Variants in PPP1R21 observed in about 807,000 individuals in gnomAD.
PPP1R21 encodes the protein protein phosphatase 1 regulatory subunit 21, also known as KLRAQ motif containing 1.
In PPP1R21, 85 loss-of-function variants were observed where a neutral mutation model predicts 112.8. The observed-to-expected ratio is 0.75, with a 90% CI of 0.63 to 0.90. PPP1R21 has a LOEUF of 0.90. Among genes scored for constraint, PPP1R21 ranks in the 40% least tolerant of loss-of-function variants. The pLI, the probability that PPP1R21 is intolerant of heterozygous loss-of-function variation, is 0.00. For missense variants in PPP1R21, 1,199 were observed against 901.5 expected, an observed-to-expected ratio of 1.33 and a Z score of -4.23; for synonymous variants, 381 against 322.3, an observed-to-expected ratio of 1.18 and a Z score of -1.95.
chr2:48,495,355 C>T (rs1000493774), intron 15 of PPP1R21, among the ~76,000 whole-genome samples: 2 of 152,260 alleles, frequency 1.3e-5, no homozygotes, highest in Admixed American at 6.5e-5. Context: ...AGGCGCGTGC[C>T]ACCATACCCG....
chr2:48,492,390 T>A (rs1262660050), intron 15 of PPP1R21, among the ~76,000 whole-genome samples: 2 of 152,218 alleles, frequency 1.3e-5, no homozygotes, highest in Non-Finnish European at 2.9e-5. Context: ...ATTTTGCAAT[T>A]TGCTTTTTTT....
At chr2:48,491,408 G>C (rs1423174790) in intron 15 of PPP1R21, among the ~76,000 whole-genome samples, 2 of 152,118 alleles carry the variant, frequency 1.3e-5, no homozygotes, top group Non-Finnish European at 2.9e-5. Context: ...CCAAGTGCCT[G>C]ATAGAGCGCC....
At chr2:48,466,449 A>G (rs1668208443) in intron 9 of PPP1R21, among the ~76,000 whole-genome samples, 1 of 151,118 alleles carries the variant, frequency 6.6e-6, no homozygotes, top group African/African-American at 2.4e-5. Context: ...CTGGTCTTGA[A>G]CTCCTGACCT....
intron 17 of PPP1R21, among the ~76,000 whole-genome samples, chr2:48,500,490 A>G (rs985109014): frequency 2.0e-5 from 3 of 152,298 alleles, no homozygotes; most frequent in African/African-American, 7.2e-5. Flanking sequence ...TATGGGGGGA[A>G]AAAACCCAAG....
intron 9 of PPP1R21, among the ~76,000 whole-genome samples, chr2:48,467,873 A>G (rs1172689786): frequency 6.6e-6 from 1 of 152,204 alleles, no homozygotes; most frequent in Non-Finnish European, 1.5e-5. Context: ...AAATTGCTAT[A>G]CATGTGTGCT....
At chr2:48,476,871 A>G (rs1668781574) in intron 12 of PPP1R21, among the ~76,000 whole-genome samples, 1 of 151,930 alleles carries the variant, frequency 6.6e-6, no homozygotes, top group African/African-American at 2.4e-5. Context: ...GATTTGCAAT[A>G]TTTTCTTCCA....
At chr2:48,445,135 CTTTTTTTTTTTT>C (rs756357658) in intron 1 of PPP1R21, among the ~76,000 whole-genome samples, 5 of 102,636 alleles carry the variant, frequency 4.9e-5, no homozygotes, top group Non-Finnish European at 9.6e-5. Context: ...TGAATATGAG[CTTTTTTTTTTTT>C]TTTTTTTTTG....
At position 48,454,684 on chromosome 2, in the gene PPP1R21, G is replaced by T. The variant is rs1265784967; in HGVS notation, c.216G>T (p.Arg72Ser). ...TTCGAAATCTGCAGCTTGCCAAGAG[G>T]GTAGAACTACTTCAAGATGAACTAG... ...LTFRNLQLAK[R>S]VELLQDELAL... is the part of the protein sequence containing the mutation. The change falls in exon 3 of 22, where the codon AGG (arginine) becomes AGT (serine). Residue 72 changes from arginine to serine, a missense_variant. Coordinates refer to ENST00000294952, the MANE Select transcript of PPP1R21 (RefSeq NM_001135629.3). 1 of 1,613,954 alleles carries T rather than the reference G, an allele frequency of 6.2e-7. No individual in the cohort carries two copies. The highest frequency in any genetic ancestry group is 1.3e-5 in the African/African-American group (1 of 74,892).
chr2:48,445,676 G>C (rs1420508548), intron 1 of PPP1R21, among the ~76,000 whole-genome samples: 1 of 152,202 alleles, frequency 6.6e-6, no homozygotes. Flanking sequence ...AAACTGCAAG[G>C]GTTGGGGTTT....
intron 1 of PPP1R21, among the ~76,000 whole-genome samples, chr2:48,441,789 T>C (rs1667042699): frequency 6.6e-6 from 1 of 152,230 alleles, no homozygotes; most frequent in Admixed American, 6.5e-5. Context: ...TTTAATGAAG[T>C]TATTAAAGCA....
intron 20 of PPP1R21, 69 bp from the exon 21 acceptor site, chr2:48,511,271 G>T: frequency 2.0e-6 from 3 of 1,480,498 alleles, no homozygotes; most frequent in South Asian, 1.4e-5. Flanking sequence ...TTTCTTTTGT[G>T]AATTAAAAAA....
At chr2:48,476,758 T>G (rs1161875559) in intron 12 of PPP1R21, among the ~76,000 whole-genome samples, 1 of 152,244 alleles carries the variant, frequency 6.6e-6, no homozygotes, top group Non-Finnish European at 1.5e-5. Context: ...TGGAGAAATA[T>G]TTATTGAGAT....
chr2:48,511,694 T>G (rs1432341651), intron 21 of PPP1R21, among the ~76,000 whole-genome samples: 1 of 145,026 alleles, frequency 6.9e-6, no homozygotes, highest in African/African-American at 2.6e-5. Flanking sequence ...ATACTTCATC[T>G]CTACAAAAAA....
At chr2:48,510,298 C>A (rs1322389573) in intron 20 of PPP1R21, among the ~76,000 whole-genome samples, 185 bp downstream of exon 20, 2 of 152,220 alleles carry the variant, frequency 1.3e-5, no homozygotes, top group Non-Finnish European at 2.9e-5. Context: ...TGTATTGTTT[C>A]TCTGACTTGA....
intron 1 of PPP1R21, among the ~76,000 whole-genome samples, chr2:48,446,434 T>G (rs957999757): frequency 6.6e-6 from 1 of 152,138 alleles, no homozygotes; most frequent in African/African-American, 2.4e-5. Context: ...AGAGTTAGGC[T>G]CAAGGCTTTT....
At chr2:48,461,072 C>G (rs749582153) in intron 6 of PPP1R21, 66 bp from the exon 7 acceptor site, 6 of 1,519,008 alleles carry the variant, frequency 3.9e-6, no homozygotes, top group South Asian at 2.6e-5. Flanking sequence ...GTTGAGGTAA[C>G]AAATAAATGA....
At chr2:48,443,485 C>A (rs13021354) in intron 1 of PPP1R21, among the ~76,000 whole-genome samples, 1 of 152,108 alleles carries the variant, frequency 6.6e-6, no homozygotes, top group Non-Finnish European at 1.5e-5. Context: ...AGTCCCATCA[C>A]GATGCACTTT....
chr2:48,497,798 C>G (rs1353367542), intron 16 of PPP1R21, among the ~76,000 whole-genome samples: 1 of 151,952 alleles, frequency 6.6e-6, no homozygotes, highest in African/African-American at 2.4e-5. Context: ...ACTACAGGCG[C>G]CCGCCGCCAC....
intron 1 of PPP1R21, among the ~76,000 whole-genome samples, chr2:48,446,196 A>G (rs924990055): frequency 1.1e-4 from 17 of 152,218 alleles, no homozygotes; most frequent in African/African-American, 3.9e-4. Context: ...TGAATGATTC[A>G]TCTCACTTTC....
Sources: gnomAD v4.1 joint callset for allele counts (sites outside exome capture counted in the v4.1 genomes callset) on GRCh38, gnomAD v4.1.1 for gene constraint, MANE v1.5 for transcripts, NCBI Gene and HGNC (gene_info 2026-07-23, HGNC 2026-07-21) for gene names.